Variants in NRIP2 observed in about 807,000 individuals in gnomAD.
NRIP2 encodes the protein nuclear receptor-interacting protein 2.
A neutral mutation model predicts 34.1 loss-of-function variants in NRIP2; 27 were observed. The observed-to-expected ratio is 0.79, with a 90% confidence interval of 0.58 to 1.09. The LOEUF (loss-of-function observed/expected upper bound fraction) is 1.09, where lower values mean the gene tolerates loss of function less well. Ranked by LOEUF, NRIP2 falls within the 50% of genes least tolerant of loss-of-function variation. The pLI, the probability that NRIP2 is intolerant of heterozygous loss-of-function variation, is 0.00. For synonymous variants in NRIP2, 145 were observed against 146.9 expected (o/e 0.99, Z 0.09); for missense variants, 385 against 352.6 (o/e 1.09, Z -0.74).
rs2097965890 is a variant in NRIP2 at position 2,826,174 on chromosome 12, A to T, written c.*1033T>A. ...CTTCTCTTCACAGTGAATTCAAAAA[A>T]GCCTCTGTCTCCTGACAGACCCCAA... On this transcript the variant is annotated 3_prime_UTR_variant, in exon 6 of 6. Coordinates refer to ENST00000337508, the MANE Select transcript of NRIP2 (RefSeq NM_031474.3). The T allele has an allele frequency of 1.3e-5, 2 of 151,828 alleles. No homozygotes were observed. Among genetic ancestry groups the T allele is most frequent in the African/African-American group, 4.8e-5 (2 of 41,282 alleles). 9.4% of individuals were successfully genotyped at this position (151,828 alleles called of 1,614,324 possible).
rs2097964064 is a variant in NRIP2, at chr12:2,825,863, A to G, written c.*1344T>C. 1 of 152,216 alleles carries G rather than the reference A, an allele frequency of 6.6e-6. No individual in the cohort carries two copies. Among genetic ancestry groups the G allele is most frequent in the African/African-American group, 2.4e-5 (1 of 41,436 alleles). 9.4% of individuals were successfully genotyped at this position (152,216 alleles called of 1,614,324 possible). A position where few individuals can be genotyped will look rare whatever the true frequency, so the allele number is the denominator to read the frequency against. On this transcript the variant is annotated 3_prime_UTR_variant, in exon 6 of 6. Transcript: ENST00000337508. Reference sequence around the variant, plus strand: ...CTACAACCCCCATCTCCCAGGTTCAAGCAACTCCTATGCCTCAGCCTTCCA... The same window carrying G: ...CTACAACCCCCATCTCCCAGGTTCAGGCAACTCCTATGCCTCAGCCTTCCA...
intron 2 of NRIP2, chr12:2,830,447 A>C: frequency 2.8e-5 from 11 of 393,848 alleles, no homozygotes; most frequent in South Asian, 5.0e-5. Context: ...CACACTGAGG[A>C]GTACTTACTT....
Position 2,830,836 on chromosome 12 carries a change from G to T in NRIP2, c.367C>A (p.Arg123Ser), listed in dbSNP as rs746133559. The change falls in exon 2 of 6, where the codon CGC (arginine) becomes AGC (serine). Residue 123 changes from arginine (R) to serine (S), a missense_variant. Coordinates refer to ENST00000337508, the MANE Select transcript of NRIP2 (RefSeq NM_031474.3). Reference protein sequence around the residue: ...DLQPRSVIQRRLVEGNPNWLQ... With the variant: ...DLQPRSVIQRSLVEGNPNWLQ... Reference sequence around the variant, plus strand: ...CAATTCGGGTTTCCCTCCACCAGGCGTCTTTGGATCACACTGCGCGGCTGC... The same window carrying T: ...CAATTCGGGTTTCCCTCCACCAGGCTTCTTTGGATCACACTGCGCGGCTGC... 2 of 1,613,542 alleles carry T rather than the reference G, an allele frequency of 1.2e-6. No homozygotes were observed. Among genetic ancestry groups the T allele is most frequent in the Non-Finnish European group, 1.7e-6 (2 of 1,179,798 alleles).
Position 2,834,714 on chromosome 12 carries a change from C to A in NRIP2, c.270G>T (p.Gln90His). ...GGTCGGCCGAGTCCTTGTGCAGGAA[C>A]TGGGTGGCCTGTTTGAGCCGGCGCT... ...SQQRRLKQAT[Q>H]FLHKDSADLL... is the part of the protein sequence containing the mutation. Residue 90 changes from glutamine to histidine, a missense_variant, in exon 1 of 6, where the codon CAG (glutamine) becomes CAT (histidine). Transcript: ENST00000337508. The A allele has an allele frequency of 1.2e-6, 2 of 1,614,058 alleles. No individual in the cohort carries two copies. The highest frequency in any genetic ancestry group is 1.7e-6 in the Non-Finnish European group (2 of 1,180,004).
chr12:2,829,448 A>G (rs578031772), intron 2 of NRIP2, among the ~76,000 whole-genome samples: 1 of 152,218 alleles, frequency 6.6e-6, no homozygotes, highest in Non-Finnish European at 1.5e-5. Context: ...TAACTCTACT[A>G]TATGGCAGAA....
At chr12:2,833,502 G>A (rs927570482) in intron 1 of NRIP2, among the ~76,000 whole-genome samples, 15 of 152,168 alleles carry the variant, frequency 9.9e-5, no homozygotes, top group Middle Eastern at 3.4e-3. Context: ...AGGGAAAGGC[G>A]AGGTGCTGCA....
Position 2,834,929 on chromosome 12 carries a change from T to G in NRIP2, c.55A>C (p.Ser19Arg), listed in dbSNP as rs2098021142. Residue 19 changes from serine (S) to arginine (R), a missense_variant, in exon 1 of 6, where the codon AGC (serine) becomes CGC (arginine). Coordinates refer to ENST00000337508, the MANE Select transcript of NRIP2 (RefSeq NM_031474.3). ...GCCTGTCTCTGTCCCGTGCTGCAGC[T>G]CTCTTTCCAACAGGAGGGTCTCCAC... ...LPWRPSCWKE[S>R]CSTGQRQAGR... 1 of 1,610,340 alleles carries G rather than the reference T, an allele frequency of 6.2e-7. No homozygotes were observed. Among genetic ancestry groups the G allele is most frequent in the East Asian group, 2.2e-5 (1 of 44,778 alleles).
chr12:2,830,707 C>T lies in NRIP2; in HGVS notation c.495+1G>A, dbSNP rs1301943915. ...AAGTGTGTCCCTGGGAGGCCTCTCA[C>T]CTTGCAGTTGACCAGAAGAGCTGGA... On this transcript the variant is annotated splice_donor_variant, in intron 2 of 5. Coordinates refer to ENST00000337508, the MANE Select transcript of NRIP2 (RefSeq NM_031474.3). LOFTEE classifies it high-confidence loss of function. 1 of 1,609,292 alleles carries T rather than the reference C, an allele frequency of 6.2e-7. No individual in the cohort carries two copies. The highest frequency in any genetic ancestry group is 8.5e-7 in the Non-Finnish European group (1 of 1,177,924).
intron 2 of NRIP2, chr12:2,830,193 T>C (rs1376099286): frequency 6.6e-6 from 1 of 152,192 alleles, no homozygotes; most frequent in African/African-American, 2.4e-5. Context: ...GGAGGTAACA[T>C]CTGAGCTGGG....
At position 2,827,435 on chromosome 12, in the gene NRIP2, C is replaced by T; in HGVS notation, c.754-136G>A. 1 of 1,525,510 alleles carries T rather than the reference C, an allele frequency of 6.6e-7. No homozygotes were observed. Among genetic ancestry groups the T allele is most frequent in the African/African-American group, 1.4e-5 (1 of 71,972 alleles). 94.5% of individuals were successfully genotyped at this position (1,525,510 alleles called of 1,614,324 possible). On this transcript the variant is annotated intron_variant, in intron 5 of 5. Coordinates refer to ENST00000337508, the MANE Select transcript of NRIP2 (RefSeq NM_031474.3). This position sits in a 1 kb window ranked among gnomAD's most constrained non-coding sequence, Gnocchi z 4.0. ...CTTCCCCCATCCCCATTTCCCTAGA[C>T]TCCTGTTGAAGGGGGTGACCCAGTT...
chr12:2,827,412 TC>T lies in NRIP2; in HGVS notation c.754-114del, dbSNP rs1565424873. The T allele has an allele frequency of 6.6e-7, 1 of 1,518,990 alleles. No individual in the cohort carries two copies. The highest frequency in any genetic ancestry group is 8.8e-7 in the Non-Finnish European group (1 of 1,140,702). 94.1% of individuals were successfully genotyped at this position (1,518,990 alleles called of 1,614,324 possible). A position where few individuals can be genotyped will look rare whatever the true frequency, so the allele number is the denominator to read the frequency against. ...ACAGCTTCCACCTGCCTTTTGCTCT[TC>T]CCCCATCCCCATTTCCCTAGACTCC... On this transcript the variant is annotated intron_variant, in intron 5 of 5. Coordinates refer to ENST00000337508, the MANE Select transcript of NRIP2 (RefSeq NM_031474.3). The surrounding 1 kb of genome is among the most constrained non-coding windows in gnomAD (Gnocchi z 4.0).
chr12:2,827,153 C>G lies in NRIP2; in HGVS notation c.*54G>C. 2 of 1,612,178 alleles carry G rather than the reference C, an allele frequency of 1.2e-6. No individual in the cohort carries two copies. Among genetic ancestry groups the G allele is most frequent in the Non-Finnish European group, 1.7e-6 (2 of 1,179,314 alleles). ...GCTTCAAGAGCCCCCGTTCCCCACA[C>G]GCCTCTTCTTCTAAGGCAAGGTCTT... On this transcript the variant is annotated 3_prime_UTR_variant, in exon 6 of 6. Coordinates refer to ENST00000337508, the MANE Select transcript of NRIP2 (RefSeq NM_031474.3). The surrounding 1 kb of genome is among the most constrained non-coding windows in gnomAD (Gnocchi z 4.0).
At chr12:2,829,920 A>T (rs568425435) in intron 2 of NRIP2, among the ~76,000 whole-genome samples, 1 of 152,084 alleles carries the variant, frequency 6.6e-6, no homozygotes, top group East Asian at 1.9e-4. Context: ...TCTACTAAAA[A>T]TACAAAATTA....
Position 2,827,418 on chromosome 12 carries a change from A to T in NRIP2, c.754-119T>A. ...TCCACCTGCCTTTTGCTCTTCCCCCATCCCCATTTCCCTAGACTCCTGTTG... is the reference window on the plus strand; with the variant it reads ...TCCACCTGCCTTTTGCTCTTCCCCCTTCCCCATTTCCCTAGACTCCTGTTG... On this transcript the variant is annotated intron_variant, in intron 5 of 5. Coordinates refer to ENST00000337508, the MANE Select transcript of NRIP2 (RefSeq NM_031474.3). The surrounding 1 kb of genome is among the most constrained non-coding windows in gnomAD (Gnocchi z 4.0). The T allele has an allele frequency of 6.6e-7, 1 of 1,521,074 alleles. No homozygotes were observed. The highest frequency in any genetic ancestry group is 2.2e-4 in the Middle Eastern group (1 of 4,472). The allele number at this position is 1,521,074 out of a possible 1,614,324, so 94.2% of individuals were successfully genotyped here. A position where few individuals can be genotyped will look rare whatever the true frequency, so the allele number is the denominator to read the frequency against.
At chr12:2,828,216 T>C (rs2097979630) in intron 3 of NRIP2, 116 bp downstream of exon 3, 1 of 1,175,850 alleles carries the variant, frequency 8.5e-7, no homozygotes, top group Admixed American at 2.1e-5. Context: ...TTTTGTTAAA[T>C]AACAGCTTTA....
rs903399903 is a variant in NRIP2 at position 2,830,955 on chromosome 12, C to A, written c.343-95G>T. 5.1e-6 allele frequency: 7 copies of A among 1,362,848 alleles called. No individual in the cohort carries two copies. In the African/African-American group the frequency reaches 1.0e-4, roughly 20 times the overall value. 84.4% of individuals were successfully genotyped at this position (1,362,848 alleles called of 1,614,324 possible). Reference sequence around the variant, plus strand: ...ACTTAGATACCCCAGGATGCTCCCCCCACCCCCCCAGCCCTGAGCCTTACC... The same window carrying A: ...ACTTAGATACCCCAGGATGCTCCCCACACCCCCCCAGCCCTGAGCCTTACC... On this transcript the variant is annotated intron_variant, in intron 1 of 5. Coordinates refer to ENST00000337508, the MANE Select transcript of NRIP2 (RefSeq NM_031474.3).
chr12:2,830,772 T>C lies in NRIP2; in HGVS notation c.431A>G (p.His144Arg). The C allele has an allele frequency of 6.2e-7, 1 of 1,613,964 alleles. No individual in the cohort carries two copies. Among genetic ancestry groups the C allele is most frequent in the Non-Finnish European group, 8.5e-7 (1 of 1,179,938 alleles). The stretch of plus-strand genomic sequence containing the variant: ...GGTCTTCCTCCTGCTCTCCTGGCCA[T>C]GAATCAGGTCCTGCATCCGGGGAGG... ...GEPPRMQDLIHGQESRRKTSR... is the reference protein window; with the variant it reads ...GEPPRMQDLIRGQESRRKTSR... The change falls in exon 2 of 6, where the codon CAT becomes CGT. Residue 144 changes from histidine (H) to arginine (R), a missense_variant. Physicochemically the swap from His to Arg is conservative, Grantham distance 29. Transcript: ENST00000337508.
rs184010138 is a variant in NRIP2, at chr12:2,832,328, G to A, written c.343-1468C>T. Among the ~76,000 whole-genome samples, 83 of 151,978 alleles carry A rather than the reference G, an allele frequency of 5.5e-4. No individual in the cohort carries two copies. The East Asian group carries it at 0.01, about 18-fold the overall frequency. ...GATCCACAGTCCACATGACCGGGCC[G>A]TGCCTCCTTCCCTGCCACTCTGTTT... On this transcript the variant is annotated intron_variant, in intron 1 of 5. Transcript: ENST00000337508.
chr12:2,828,955 C>G (rs991961175), intron 2 of NRIP2, among the ~76,000 whole-genome samples: 10 of 152,024 alleles, frequency 6.6e-5, no homozygotes, highest in Admixed American at 6.6e-4. Context: ...GCTTGTAGTT[C>G]TAGCACTTTG....
Sources: gnomAD v4.1 joint callset for allele counts (sites outside exome capture counted in the v4.1 genomes callset) on GRCh38, gnomAD v4.1.1 for gene constraint, Gnocchi (gnomAD v3.1) non-coding constraint, MANE v1.5 for transcripts, NCBI Gene and HGNC (gene_info 2026-07-23, HGNC 2026-07-21) for gene names.